The following VAPA variants were observed in gnomAD, a reference collection of about 807,000 sequenced individuals.
VAPA encodes the protein vesicle-associated membrane protein-associated protein A.
Under a neutral mutation model 25.6 loss-of-function variants are expected in VAPA, and 6 were observed. The observed-to-expected ratio is 0.23, with a 90% CI of 0.13 to 0.46. The LOEUF (loss-of-function observed/expected upper bound fraction) is 0.46. VAPA is among the 20% of genes least tolerant of loss of function. VAPA has a pLI of 0.99. For missense variants in VAPA, 244 were observed against 302.1 expected (o/e 0.81, Z 1.43); for synonymous variants, 112 against 106.2 (o/e 1.05, Z -0.34).
At chr18:9,936,692 A>G (rs1248848172) in intron 3 of VAPA, 1 of 292,968 alleles carries the variant, frequency 3.4e-6, no homozygotes, top group African/African-American at 2.2e-5. Context: ...ACTGCACTCC[A>G]GCCTGGGAAA....
chr18:9,921,368 C>G (rs538038104), intron 1 of VAPA, among the ~76,000 whole-genome samples: 1 of 151,920 alleles, frequency 6.6e-6, no homozygotes, highest in Non-Finnish European at 1.5e-5. Flanking sequence ...TAGGTGATTT[C>G]TTGGGTGTTC....
In VAPA at chr18:9,954,232, G is replaced by GT. The variant is rs747717940; in HGVS notation, c.*24dup. The GT allele has an allele frequency of 1.2e-4, 183 of 1,509,834 alleles. No individual in the cohort carries two copies. The African/African-American group carries it at 1.8e-3, about 15-fold the overall frequency. The allele number at this position is 1,509,834 out of a possible 1,614,324, so 93.5% of individuals were successfully genotyped here. The stretch of plus-strand genomic sequence containing the variant: ...TGTAGAGTGAAGCATGCAGAGTGCT[G>GT]TTTCTTTTTTTTTTTTTCTCTTGAC... On this transcript the variant is annotated 3_prime_UTR_variant, in exon 6 of 6. Transcript: ENST00000400000.
rs778465955 is a variant in VAPA at position 9,959,678 on chromosome 18, AAT to A, written c.*5468_*5469del. On this transcript the variant is annotated 3_prime_UTR_variant, in exon 6 of 6. Transcript: ENST00000400000. ...TAAGAACCCTGAGGAAAAATAATAC[AAT>A]GTGTGTGTGTGAGAGAGAGAGTGAG... is the stretch of plus-strand genomic sequence containing the variant. 2 of 147,066 alleles carry A rather than the reference AAT, an allele frequency of 1.4e-5. No individual in the cohort carries two copies. The highest frequency in any genetic ancestry group is 1.4e-4 in the Admixed American group (2 of 14,262). The allele number at this position is 147,066 out of a possible 1,614,324, so 9.1% of individuals were successfully genotyped here.
intron 1 of VAPA, among the ~76,000 whole-genome samples, chr18:9,917,164 G>A (rs2069118580): frequency 6.6e-6 from 1 of 152,160 alleles, no homozygotes; most frequent in African/African-American, 2.4e-5. Context: ...TTAAACCTTG[G>A]AAGTAATTTT....
At chr18:9,942,056 T>C (rs1418960025) in intron 4 of VAPA, among the ~76,000 whole-genome samples, 2 of 152,270 alleles carry the variant, frequency 1.3e-5, no homozygotes, top group Non-Finnish European at 2.9e-5. Context: ...AGCTTTTAAC[T>C]GCGTTGCTGG....
chr18:9,952,414 A>G (rs2069499237), intron 5 of VAPA, among the ~76,000 whole-genome samples: 2 of 152,160 alleles, frequency 1.3e-5, no homozygotes, highest in East Asian at 1.9e-4. Flanking sequence ...TAAAAATACA[A>G]AAATTATCCG....
rs1334871124 is a variant in VAPA at position 9,958,374 on chromosome 18, T to C, written c.*4163T>C. 6.6e-6 allele frequency: 1 copy of C among 152,244 alleles called. No individual in the cohort carries two copies. The highest frequency in any genetic ancestry group is 2.4e-5 in the African/African-American group (1 of 41,466). 9.4% of individuals were successfully genotyped at this position (152,244 alleles called of 1,614,324 possible). ...TCCTCCTGTTGCCACATTTCTTGTT[T>C]TAAAACTCAGTTTCTTGTTTTCCAG... On this transcript the variant is annotated 3_prime_UTR_variant, in exon 6 of 6. Coordinates refer to ENST00000400000, the MANE Select transcript of VAPA (RefSeq NM_194434.3).
Position 9,955,497 on chromosome 18 carries a change from A to C in VAPA, c.*1286A>C, listed in dbSNP as rs1378998757. On this transcript the variant is annotated 3_prime_UTR_variant, in exon 6 of 6. Transcript: ENST00000400000. ...AATTTTGGAATCAGAAAATAGATCC[A>C]GTGTTTAGCTACATACAATCTAGTA... 1 of 152,224 alleles carries C rather than the reference A, an allele frequency of 6.6e-6. No individual in the cohort carries two copies. Among genetic ancestry groups the C allele is most frequent in the East Asian group, 1.9e-4 (1 of 5,198 alleles). 9.4% of individuals were successfully genotyped at this position (152,224 alleles called of 1,614,324 possible).
At chr18:9,941,163 T>G (rs1280189085) in intron 4 of VAPA, among the ~76,000 whole-genome samples, 2 of 152,090 alleles carry the variant, frequency 1.3e-5, no homozygotes, top group African/African-American at 2.4e-5. Flanking sequence ...TTAGGAAATA[T>G]CTGATGTTCT....
At position 9,957,684 on chromosome 18, in the gene VAPA, T is replaced by A. The variant is rs542743448; in HGVS notation, c.*3473T>A. 6.7e-6 allele frequency: 1 copy of A among 149,590 alleles called. No homozygotes were observed. The highest frequency in any genetic ancestry group is 2.4e-5 in the African/African-American group (1 of 41,354). The allele number at this position is 149,590 out of a possible 1,614,324, so 9.3% of individuals were successfully genotyped here. On this transcript the variant is annotated 3_prime_UTR_variant, in exon 6 of 6. Coordinates refer to ENST00000400000, the MANE Select transcript of VAPA (RefSeq NM_194434.3). Reference sequence around the variant, plus strand: ...AATTAAACCATTCATGAATAAACTTTAAAAATGTGAAGTGTCCTTTTCCTT... The same window carrying A: ...AATTAAACCATTCATGAATAAACTTAAAAAATGTGAAGTGTCCTTTTCCTT...
At chr18:9,935,111 A>AC (rs1177064860) in intron 2 of VAPA, among the ~76,000 whole-genome samples, 1 of 150,530 alleles carries the variant, frequency 6.6e-6, no homozygotes, top group Non-Finnish European at 1.5e-5. Flanking sequence ...AAAAAAAAAA[A>AC]AACTTAAAAA....
chr18:9,920,102 A>T (rs555562636), intron 1 of VAPA, among the ~76,000 whole-genome samples: 2 of 152,264 alleles, frequency 1.3e-5, no homozygotes, highest in African/African-American at 4.8e-5. Context: ...GACGAAATGC[A>T]TCTTATTTGG....
intron 2 of VAPA, among the ~76,000 whole-genome samples, chr18:9,932,888 C>G (rs555921092): frequency 1.2e-3 from 186 of 152,168 alleles, no homozygotes; most frequent in African/African-American, 4.3e-3. Flanking sequence ...GCGGGTGGAT[C>G]ACGACGTCAG....
intron 4 of VAPA, 101 bp downstream of exon 4, chr18:9,937,167 C>T: frequency 3.9e-6 from 3 of 779,010 alleles, no homozygotes; most frequent in Admixed American, 5.4e-5. Flanking sequence ...TGTGATATGG[C>T]TATTACACTT....
At chr18:9,936,366 TAAAGA>T in intron 3 of VAPA, 153 bp downstream of exon 3, 1 of 454,468 alleles carries the variant, frequency 2.2e-6, no homozygotes, top group Non-Finnish European at 3.9e-6. Context: ...AATCCTAACT[TAAAGA>T]ATGAAAGAAT....
intron 5 of VAPA, 103 bp downstream of exon 5, chr18:9,950,671 C>A: frequency 7.8e-7 from 1 of 1,279,922 alleles, no homozygotes; most frequent in Non-Finnish European, 1.1e-6. Context: ...TTTGCTTGGT[C>A]AGTTCTTTCT....
In VAPA at chr18:9,922,407, G is replaced by A. The variant is rs184562631; in HGVS notation, c.79+8072G>A. Reference sequence around the variant, plus strand: ...CTGTTAACACGTAATAACATTAACAGTAATTCTTTGATATCCTCTAATATT... The same window carrying A: ...CTGTTAACACGTAATAACATTAACAATAATTCTTTGATATCCTCTAATATT... On this transcript the variant is annotated intron_variant, in intron 1 of 5. Coordinates refer to ENST00000400000, the MANE Select transcript of VAPA (RefSeq NM_194434.3). Among the ~76,000 whole-genome samples the A allele has an allele frequency of 6.3e-3, 958 of 152,288 alleles. 7 individuals carry two copies. The highest frequency in any genetic ancestry group is 6.9e-3 in the Non-Finnish European group (471 of 68,028).
In VAPA at chr18:9,956,711, T is replaced by C. The variant is rs1354858415; in HGVS notation, c.*2500T>C. 2.0e-5 allele frequency: 3 copies of C among 152,620 alleles called. No individual in the cohort carries two copies. Among genetic ancestry groups the C allele is most frequent in the Admixed American group, 2.0e-4 (3 of 15,284 alleles). 9.5% of individuals were successfully genotyped at this position (152,620 alleles called of 1,614,324 possible). A position where few individuals can be genotyped will look rare whatever the true frequency, so the allele number is the denominator to read the frequency against. The stretch of plus-strand genomic sequence containing the variant: ...GACTGATAATATGATAATATAGAGA[T>C]TAAATTGTTTGTCTTCATTCCTTAT... On this transcript the variant is annotated 3_prime_UTR_variant, in exon 6 of 6. Coordinates refer to ENST00000400000, the MANE Select transcript of VAPA (RefSeq NM_194434.3).
At chr18:9,932,023 T>C in intron 2 of VAPA, 61 bp downstream of exon 2, 1 of 1,302,346 alleles carries the variant, frequency 7.7e-7, no homozygotes, top group Non-Finnish European at 1.1e-6. Context: ...GATTATGTTT[T>C]TGTTTAATAA....
Sources: gnomAD v4.1 joint callset for allele counts (sites outside exome capture counted in the v4.1 genomes callset) on GRCh38, gnomAD v4.1.1 for gene constraint, MANE v1.5 for transcripts, NCBI Gene and HGNC (gene_info 2026-07-23, HGNC 2026-07-21) for gene names.